TYW1B: variants seen among roughly 807,000 people sequenced by gnomAD.
The protein encoded by TYW1B is tRNA-yW synthesizing protein 1 homolog B, also known as S-adenosyl-L-methionine-dependent tRNA 4-demethylwyosine synthase TYW1B.
TYW1B carries 73 observed loss-of-function variants against 86.9 expected under a neutral mutation model. The ratio of observed to expected loss-of-function variants is 0.84; its 90% CI spans 0.70 to 1.02. TYW1B has a LOEUF of 1.02. TYW1B is among the 50% of genes least tolerant of loss of function. TYW1B has a pLI of 0.00. For missense variants in TYW1B, 637 were observed against 827.4 expected (o/e 0.77, Z 2.82); for synonymous variants, 248 against 292.8 (o/e 0.85, Z 1.56).
chr7:72,730,622 A>G (rs1787085359), intron 8 of TYW1B, among the ~76,000 whole-genome samples: 1 of 151,060 alleles, frequency 6.6e-6, no homozygotes, highest in Non-Finnish European at 1.5e-5. Context: ...AGAAGAGGAG[A>G]AAAAGAAAGA....
rs1290216567 is a variant in TYW1B, at chr7:72,675,594, T to TAC, written c.1506+19091_1506+19092dup. On this transcript the variant is annotated intron_variant, in intron 11 of 13. Transcript: ENST00000620995. ...ATATACACACACACATATATATATA[T>TAC]ACACACACACACATGCACTGTATAT... is the stretch of plus-strand genomic sequence containing the variant. Among the ~76,000 whole-genome samples, 93 of 149,760 alleles carry TAC rather than the reference T, an allele frequency of 6.2e-4. 1 individual carries two copies. The highest frequency in any genetic ancestry group is 2.1e-3 in the African/African-American group (85 of 40,890).
chr7:72,646,649 C>T (rs141139682), intron 11 of TYW1B, among the ~76,000 whole-genome samples: 1,911 of 152,276 alleles, frequency 0.013, 35 homozygotes, highest in African/African-American at 0.043. Context: ...GCTGGGATTA[C>T]AGGTGTGAGC....
intron 10 of TYW1B, among the ~76,000 whole-genome samples, chr7:72,696,797 GAC>G (rs1554451590): frequency 6.6e-6 from 1 of 152,148 alleles, no homozygotes; most frequent in South Asian, 2.1e-4. Flanking sequence ...CCAAATGTAG[GAC>G]AGAGGTGATT....
rs193232317 is a variant in TYW1B, at chr7:72,574,739, A to G, written c.*759T>C. 1.4e-3 allele frequency: 1,369 copies of G among 985,396 alleles called. 19 individuals carry two copies. In the African/African-American group the frequency reaches 0.02, roughly 15 times the overall value. 61.0% of individuals were successfully genotyped at this position (985,396 alleles called of 1,614,324 possible). ...GCCCGGACAGTGACCTCACGAACAA[A>G]AAGAAATGATCCTCTTCAGTCCAAA... is the stretch of plus-strand genomic sequence containing the variant. On this transcript the variant is annotated 3_prime_UTR_variant, in exon 14 of 14. Coordinates refer to ENST00000620995, the MANE Select transcript of TYW1B (RefSeq NM_001145440.3).
chr7:72,819,183 A>G (rs1788782071), intron 2 of TYW1B, among the ~76,000 whole-genome samples: 1 of 152,076 alleles, frequency 6.6e-6, no homozygotes, highest in African/African-American at 2.4e-5. Context: ...ATGGGGTAAG[A>G]GAGTTAACAA....
intron 10 of TYW1B, among the ~76,000 whole-genome samples, chr7:72,712,197 C>A (rs551365775): frequency 6.6e-6 from 1 of 152,102 alleles, no homozygotes; most frequent in Non-Finnish European, 1.5e-5. Flanking sequence ...CAAGAGCCCT[C>A]TGCTGTTATG....
At chr7:72,589,703 C>A (rs1455267124) in intron 13 of TYW1B, among the ~76,000 whole-genome samples, 1 of 152,102 alleles carries the variant, frequency 6.6e-6, no homozygotes, top group Non-Finnish European at 1.5e-5. Flanking sequence ...ATGGTGAAAC[C>A]CCATCTCTAC....
chr7:72,608,646 G>A (rs1271985500), intron 13 of TYW1B, among the ~76,000 whole-genome samples: 26 of 152,084 alleles, frequency 1.7e-4, no homozygotes, highest in African/African-American at 6.0e-4. Flanking sequence ...AACTCACTTC[G>A]AATATAATGA....
chr7:72,823,021 T>A (rs1428556483), intron 2 of TYW1B: 10 of 151,544 alleles, frequency 6.6e-5, no homozygotes, highest in Admixed American at 3.9e-4. Context: ...TTTTTTTTTT[T>A]GTTTGAGACA....
At chr7:72,679,201 G>C (rs1224660641) in intron 11 of TYW1B, among the ~76,000 whole-genome samples, 2 of 152,172 alleles carry the variant, frequency 1.3e-5, no homozygotes, top group Non-Finnish European at 2.9e-5. Context: ...AATCATGTAG[G>C]ACAGGCTACG....
chr7:72,658,131 G>A (rs1330996641), intron 11 of TYW1B, among the ~76,000 whole-genome samples: 12 of 152,080 alleles, frequency 7.9e-5, no homozygotes, highest in South Asian at 4.1e-4. Context: ...GGTGGCGGGC[G>A]CCTGTAGTCC....
At chr7:72,816,812 T>A (rs1175523005) in intron 2 of TYW1B, among the ~76,000 whole-genome samples, 1 of 152,174 alleles carries the variant, frequency 6.6e-6, no homozygotes, top group Non-Finnish European at 1.5e-5. Context: ...CATACCAACG[T>A]GCTGGGGAGA....
At chr7:72,705,413 G>C (rs182959437) in intron 10 of TYW1B, among the ~76,000 whole-genome samples, 3 of 152,270 alleles carry the variant, frequency 2.0e-5, no homozygotes, top group African/African-American at 7.2e-5. Context: ...AAAGGTGTTC[G>C]AAAGTAAATG....
intron 12 of TYW1B, 108 bp from the exon 13 acceptor site, chr7:72,616,947 C>T (rs1301654380): frequency 3.7e-5 from 53 of 1,436,200 alleles, no homozygotes; most frequent in South Asian, 2.5e-4. Context: ...CAATCCAGTC[C>T]GTATTTTACA....
chr7:72,693,428 T>TC (rs1554450785), intron 11 of TYW1B, among the ~76,000 whole-genome samples: 25 of 150,532 alleles, frequency 1.7e-4, no homozygotes, highest in Middle Eastern at 6.8e-3. Context: ...TTTTTTTTTT[T>TC]AGATAGGGGT....
At chr7:72,578,921 C>G (rs1357658144) in intron 13 of TYW1B, among the ~76,000 whole-genome samples, 1 of 152,062 alleles carries the variant, frequency 6.6e-6, no homozygotes, top group Non-Finnish European at 1.5e-5. Context: ...GTTTCGATTT[C>G]TAGGTCTGAA....
chr7:72,801,563 T>C (rs1314988207), intron 6 of TYW1B, among the ~76,000 whole-genome samples: 2 of 152,076 alleles, frequency 1.3e-5, no homozygotes, highest in African/African-American at 4.8e-5. Flanking sequence ...TTAAGGCTTA[T>C]GGACTACATA....
intron 10 of TYW1B, among the ~76,000 whole-genome samples, chr7:72,703,038 T>TGAGATGGAGTC (rs1554452978): frequency 7.1e-6 from 1 of 140,976 alleles, no homozygotes; most frequent in Non-Finnish European, 1.5e-5. Context: ...TTTTTTTTTT[T>TGAGATGGAGTC]TTTTGAGATG....
At chr7:72,608,811 G>A (rs1563028486) in intron 13 of TYW1B, among the ~76,000 whole-genome samples, 1 of 152,198 alleles carries the variant, frequency 6.6e-6, no homozygotes, top group Non-Finnish European at 1.5e-5. Context: ...GAGGAGATTA[G>A]CGGTTGCCAG....
Sources: allele counts gnomAD v4.1 joint callset (sites outside exome capture counted in the v4.1 genomes callset), GRCh38; gene constraint gnomAD v4.1.1; transcripts MANE v1.5; gene names NCBI Gene and HGNC (gene_info 2026-07-23, HGNC 2026-07-21).